The following ADGRL3 variants were observed in gnomAD, a reference collection of about 807,000 sequenced individuals.
The protein encoded by ADGRL3 is calcium-independent alpha-latrotoxin receptor 3.
A neutral mutation model predicts 153.5 loss-of-function variants in ADGRL3; 62 were observed. The observed-to-expected ratio is 0.40, with a 90% CI of 0.33 to 0.50. The LOEUF (loss-of-function observed/expected upper bound fraction) is 0.50. Among genes scored for constraint, ADGRL3 ranks in the 20% least tolerant of loss-of-function variants. The probability of loss-of-function intolerance (pLI) is 0.47; values close to 1 mark genes in which losing one functional copy is unlikely to be tolerated. For missense variants in ADGRL3, 1,641 were observed against 1,859.4 expected, an observed-to-expected ratio of 0.88 and a Z score of 2.16; for synonymous variants, 710 against 672.5, an observed-to-expected ratio of 1.06 and a Z score of -0.86.
chr4:61,409,404 A>AT lies in ADGRL3; in HGVS notation c.-174+26215_-174+26216insT, dbSNP rs1560587660. ...TATTATATATATATTAGACATACAT[A>AT]ATATATATATATATATTATATATAT... On this transcript the variant is annotated intron_variant, in intron 2 of 26. Transcript: ENST00000683033. Among the ~76,000 whole-genome samples, 231 of 137,884 alleles carry AT rather than the reference A, an allele frequency of 1.7e-3. 1 individual carries two copies. The highest frequency in any genetic ancestry group is 4.8e-3 in the African/African-American group (182 of 37,836). 90.5% of individuals were successfully genotyped at this position (137,884 alleles called of 152,430 possible). A position where few individuals can be genotyped will look rare whatever the true frequency, so the allele number is the denominator to read the frequency against.
chr4:61,311,134 G>A (rs758326831), intron 1 of ADGRL3, among the ~76,000 whole-genome samples: 2 of 152,080 alleles, frequency 1.3e-5, no homozygotes, highest in African/African-American at 2.4e-5. Flanking sequence ...AATATTTTTA[G>A]TATATTATTC....
At chr4:62,067,525 T>C (rs1743603091) in intron 25 of ADGRL3, among the ~76,000 whole-genome samples, 1 of 152,010 alleles carries the variant, frequency 6.6e-6, no homozygotes, top group Non-Finnish European at 1.5e-5. Context: ...TCCTCCATAG[T>C]TACACAACCT....
intron 1 of ADGRL3, among the ~76,000 whole-genome samples, chr4:61,304,795 T>TA (rs376228885): frequency 1.7e-4 from 26 of 152,316 alleles, no homozygotes; most frequent in African/African-American, 6.3e-4. Context: ...AAATGAGTGT[T>TA]ACTCATGTAG....
intron 21 of ADGRL3, among the ~76,000 whole-genome samples, chr4:62,007,393 C>CAT (rs2099163910): frequency 1.3e-4 from 6 of 47,424 alleles, no homozygotes; most frequent in Non-Finnish European, 2.3e-4. Flanking sequence ...TACACACACA[C>CAT]ACATATATAT....
chr4:61,935,367 A>T (rs966017780), intron 14 of ADGRL3, among the ~76,000 whole-genome samples: 2 of 152,178 alleles, frequency 1.3e-5, no homozygotes, highest in Non-Finnish European at 1.5e-5. Flanking sequence ...GAGTTATTTC[A>T]GTTATAATGA....
chr4:61,641,062 G>A (rs182616613), intron 5 of ADGRL3, among the ~76,000 whole-genome samples: 45 of 152,048 alleles, frequency 3.0e-4, no homozygotes, highest in Non-Finnish European at 5.3e-4. Flanking sequence ...GAATGCTGTG[G>A]TCATTAAAGG....
rs1377518280 is a variant in ADGRL3 at position 61,443,130 on chromosome 4, G to C, written c.-173-53991G>C. Among the ~76,000 whole-genome samples, 6 of 152,226 alleles carry C rather than the reference G, an allele frequency of 3.9e-5. No homozygotes were observed. In the South Asian group the frequency reaches 1.0e-3, roughly 26 times the overall value. ...ATTCAGTGAGTTTTATATCAATAGAGTCATGTAGCTTTCTCAACTAACGGC... is the reference window on the plus strand; with the variant it reads ...ATTCAGTGAGTTTTATATCAATAGACTCATGTAGCTTTCTCAACTAACGGC... On this transcript the variant is annotated intron_variant, in intron 2 of 26. Coordinates refer to ENST00000683033, the MANE Select transcript of ADGRL3 (RefSeq NM_001387552.1).
intron 1 of ADGRL3, among the ~76,000 whole-genome samples, chr4:61,376,392 G>GTTT (rs34714371): frequency 4.0e-5 from 6 of 149,206 alleles, no homozygotes; most frequent in African/African-American, 1.5e-4. Context: ...GTTAAATGCT[G>GTTT]TTTTTTTTTT....
chr4:61,423,477 G>C (rs2097235270), intron 2 of ADGRL3, among the ~76,000 whole-genome samples: 8 of 152,200 alleles, frequency 5.3e-5, no homozygotes, highest in Admixed American at 5.2e-4. Context: ...CATTGTGTTA[G>C]ATAATCTGGA....
chr4:61,894,933 G>C (rs962848124), intron 10 of ADGRL3, among the ~76,000 whole-genome samples: 3 of 152,056 alleles, frequency 2.0e-5, no homozygotes, highest in Non-Finnish European at 4.4e-5. Flanking sequence ...TTTATGATCT[G>C]GTTTACTTTT....
intron 2 of ADGRL3, among the ~76,000 whole-genome samples, chr4:61,392,473 G>A (rs1334835720): frequency 6.6e-6 from 1 of 151,136 alleles, no homozygotes; most frequent in Non-Finnish European, 1.5e-5. Flanking sequence ...AGATCACGAG[G>A]TCAGGAGATC....
intron 10 of ADGRL3, among the ~76,000 whole-genome samples, chr4:61,895,413 C>A (rs1480465321): frequency 2.0e-5 from 3 of 151,880 alleles, no homozygotes; most frequent in Non-Finnish European, 4.4e-5. Context: ...TTGCGGTGAG[C>A]CGAGATCTTG....
intron 11 of ADGRL3, among the ~76,000 whole-genome samples, chr4:61,904,618 G>A (rs748382876): frequency 2.0e-5 from 3 of 149,160 alleles, no homozygotes; most frequent in Non-Finnish European, 3.0e-5. Context: ...CCACCTTTTC[G>A]TTTCCCACTC....
In ADGRL3 at chr4:61,641,857, G is replaced by A. The variant is rs749847771; in HGVS notation, c.474-34969G>A. Among the ~76,000 whole-genome samples, 1,122 of 148,744 alleles carry A rather than the reference G, an allele frequency of 7.5e-3. 7 individuals are homozygous for A. Among genetic ancestry groups the A allele is most frequent in the Middle Eastern group, 0.017 (5 of 288 alleles). ...TCTAGTTCTAGGTCCCTGAGGAATC[G>A]CCACACTGACTTCCACAATGGTTGA... On this transcript the variant is annotated intron_variant, in intron 5 of 26. Coordinates refer to ENST00000683033, the MANE Select transcript of ADGRL3 (RefSeq NM_001387552.1).
chr4:61,887,406 A>G (rs1057012423), intron 9 of ADGRL3, among the ~76,000 whole-genome samples: 1 of 152,178 alleles, frequency 6.6e-6, no homozygotes, highest in African/African-American at 2.4e-5. Context: ...GAGTCAGAGA[A>G]TGCCTGTTTA....
At chr4:61,231,836 T>G (rs1222659785) in intron 1 of ADGRL3, among the ~76,000 whole-genome samples, 1 of 152,144 alleles carries the variant, frequency 6.6e-6, no homozygotes, top group Admixed American at 6.6e-5. Context: ...ATCAGATACC[T>G]GCACTGTAAT....
chr4:61,696,807 CT>C (rs1434133423), intron 6 of ADGRL3, among the ~76,000 whole-genome samples: 2 of 151,120 alleles, frequency 1.3e-5, no homozygotes, highest in Non-Finnish European at 2.9e-5. Flanking sequence ...TCCCAAGTAG[CT>C]TGGATTATAG....
chr4:61,801,800 C>T (rs2097500783), intron 8 of ADGRL3, among the ~76,000 whole-genome samples: 1 of 152,104 alleles, frequency 6.6e-6, no homozygotes, highest in South Asian at 2.1e-4. Context: ...ATTATCAAGA[C>T]ACAACAGTAC....
At chr4:61,352,489 A>G (rs1039886467) in intron 1 of ADGRL3, among the ~76,000 whole-genome samples, 1 of 151,802 alleles carries the variant, frequency 6.6e-6, no homozygotes, top group Non-Finnish European at 1.5e-5. Context: ...CCCAGGTTCA[A>G]TTATCCTGCC....
Sources: allele counts gnomAD v4.1 joint callset (sites outside exome capture counted in the v4.1 genomes callset), GRCh38; gene constraint gnomAD v4.1.1; transcripts MANE v1.5; gene names NCBI Gene and HGNC (gene_info 2026-07-23, HGNC 2026-07-21).